Variants in HTR2C observed in about 807,000 individuals in gnomAD.
The protein encoded by HTR2C is 5-hydroxytryptamine (serotonin) receptor 2C, G protein-coupled.
Under a neutral mutation model 21.0 loss-of-function variants are expected in HTR2C, and 5 were observed. That is an observed-to-expected ratio of 0.24 (90% CI 0.12 to 0.50). The LOEUF is 0.50. Ranked by LOEUF, HTR2C falls within the 20% of genes least tolerant of loss-of-function variation. The pLI, the probability that HTR2C is intolerant of heterozygous loss-of-function variation, is 0.98. For synonymous variants in HTR2C, 150 were observed against 145.3 expected, an observed-to-expected ratio of 1.03 and a Z score of -0.23; for missense variants, 271 against 371.2, an observed-to-expected ratio of 0.73 and a Z score of 2.22.
intron 2 of HTR2C, among the ~76,000 whole-genome samples, chrX:114,673,408 A>G (rs1485536336): frequency 1.8e-5 from 2 of 111,757 alleles, no homozygotes; most frequent in Non-Finnish European, 3.8e-5. Flanking sequence ...TAAGGTCATT[A>G]TGATTCAACC....
intron 2 of HTR2C, among the ~76,000 whole-genome samples, chrX:114,615,699 A>C (rs1321954568): frequency 1.8e-5 from 2 of 111,820 alleles, no homozygotes; most frequent in African/African-American, 6.5e-5. Flanking sequence ...TTTCAATGCT[A>C]TTCTGTCCTT....
chrX:114,724,799 T>C (rs781914516), intron 2 of HTR2C, among the ~76,000 whole-genome samples: 1 of 102,183 alleles, frequency 9.8e-6, no homozygotes, highest in South Asian at 5.2e-4. Context: ...GGATATGAAA[T>C]TCTGGGTTGA....
At chrX:114,737,266 A>C (rs2069600795) in intron 4 of HTR2C, among the ~76,000 whole-genome samples, 2 of 102,379 alleles carry the variant, frequency 2.0e-5, no homozygotes, top group Non-Finnish European at 3.9e-5. Context: ...TCGCTCTGTC[A>C]CCTAGGCTGG....
rs2069704946 is a variant in HTR2C at position 114,746,457 on chromosome X, T to C, written c.349+14850T>C. Reference sequence around the variant, plus strand: ...CATTAAAAAATCAATTAATGTTGATTAATTGATCATCTCAATAGACTAAAG... The same window carrying C: ...CATTAAAAAATCAATTAATGTTGATCAATTGATCATCTCAATAGACTAAAG... On this transcript the variant is annotated intron_variant, in intron 4 of 5. Transcript: ENST00000276198. Among the ~76,000 whole-genome samples the C allele has an allele frequency of 2.7e-5, 3 of 112,182 alleles. No homozygotes were observed. In the Admixed American group the frequency reaches 2.8e-4, roughly 11 times the overall value.
chrX:114,734,903 T>C (rs2147349556), intron 4 of HTR2C, among the ~76,000 whole-genome samples: 1 of 111,499 alleles, frequency 9.0e-6, no homozygotes, highest in African/African-American at 3.3e-5. Context: ...ATACACAAAA[T>C]GGTTTGGAAA....
intron 4 of HTR2C, among the ~76,000 whole-genome samples, chrX:114,780,400 G>A (rs965726701): frequency 9.0e-6 from 1 of 111,700 alleles, no homozygotes; most frequent in Non-Finnish European, 1.9e-5. Flanking sequence ...AGCAGCTATT[G>A]TCTTGTGGAA....
At chrX:114,706,832 A>G (rs1303810785) in intron 2 of HTR2C, among the ~76,000 whole-genome samples, 1 of 111,540 alleles carries the variant, frequency 9.0e-6, no homozygotes, top group Non-Finnish European at 1.9e-5. Flanking sequence ...TCATAGCACC[A>G]TGTTGAGCTA....
At chrX:114,632,730 T>C (rs1929681415) in intron 2 of HTR2C, among the ~76,000 whole-genome samples, 1 of 110,832 alleles carries the variant, frequency 9.0e-6, no homozygotes, top group Admixed American at 9.6e-5. Flanking sequence ...AATTGGCCCG[T>C]GCCTTTATAT....
rs1556448720 is a variant in HTR2C at position 114,805,714 on chromosome X, A to C, written c.350-42289A>C. Among the ~76,000 whole-genome samples, 166 of 77,571 alleles carry C rather than the reference A, an allele frequency of 2.1e-3. 45 individuals carry two copies. The highest frequency in any genetic ancestry group is 8.6e-3 in the African/African-American group (159 of 18,447). 67.4% of individuals were successfully genotyped at this position (77,571 alleles called of 115,157 possible). A position where few individuals can be genotyped will look rare whatever the true frequency, so the allele number is the denominator to read the frequency against. Reference sequence around the variant, plus strand: ...TATATACACCATATATATACCATATATATACCATATATACACCATATATAC... The same window carrying C: ...TATATACACCATATATATACCATATCTATACCATATATACACCATATATAC... On this transcript the variant is annotated intron_variant, in intron 4 of 5. Transcript: ENST00000276198.
At chrX:114,815,226 G>A (rs1304904442) in intron 4 of HTR2C, among the ~76,000 whole-genome samples, 5 of 109,663 alleles carry the variant, frequency 4.6e-5, no homozygotes, top group Non-Finnish European at 9.5e-5. Flanking sequence ...CAAAATCAAT[G>A]TATTATGTTT....
At chrX:114,746,672 G>C (rs970336884) in intron 4 of HTR2C, among the ~76,000 whole-genome samples, 1 of 110,083 alleles carries the variant, frequency 9.1e-6, no homozygotes, top group East Asian at 2.9e-4. Context: ...TGGGCAACCA[G>C]GGGAAACCTC....
chrX:114,626,925 A>ATAG (rs1929400835), intron 2 of HTR2C, among the ~76,000 whole-genome samples: 1 of 111,949 alleles, frequency 8.9e-6, no homozygotes, highest in Non-Finnish European at 1.9e-5. Context: ...GGCAATTTGA[A>ATAG]TAGTAGTAGT....
intron 2 of HTR2C, among the ~76,000 whole-genome samples, chrX:114,682,598 T>C (rs782590260): frequency 8.9e-6 from 1 of 111,813 alleles, no homozygotes; most frequent in Non-Finnish European, 1.9e-5. Flanking sequence ...AGCTTTCTGC[T>C]GTTTAAGTTT....
chrX:114,828,646 G>A (rs1005304692), intron 4 of HTR2C, among the ~76,000 whole-genome samples: 8 of 111,421 alleles, frequency 7.2e-5, no homozygotes, highest in African/African-American at 2.3e-4. Context: ...TCACAATGAT[G>A]TCCAACCGTC....
chrX:114,761,561 T>G (rs1317852523), intron 4 of HTR2C, among the ~76,000 whole-genome samples: 1 of 110,918 alleles, frequency 9.0e-6, no homozygotes, highest in African/African-American at 3.3e-5. Flanking sequence ...CTGCAAAAAA[T>G]TTCACATGCG....
Position 114,729,277 on chromosome X carries a change from G to T in HTR2C, c.36-2017G>T, listed in dbSNP as rs140955755. ...TGTTTAACTACAAAGCAGACAGAAG[G>T]TACCTCCAGCATTTACTGAAGGCCT... On this transcript the variant is annotated intron_variant, in intron 3 of 5. Transcript: ENST00000276198. Among the ~76,000 whole-genome samples, 942 of 111,772 alleles carry T rather than the reference G, an allele frequency of 8.4e-3. 11 individuals are homozygous for T. Among genetic ancestry groups the T allele is most frequent in the African/African-American group, 0.029 (890 of 30,866 alleles).
At chrX:114,725,217 T>C (rs1195584246) in intron 2 of HTR2C, among the ~76,000 whole-genome samples, 1 of 111,076 alleles carries the variant, frequency 9.0e-6, no homozygotes, top group Non-Finnish European at 1.9e-5. Context: ...GTTGGTTTCT[T>C]TTTATTCTTT....
intron 5 of HTR2C, among the ~76,000 whole-genome samples, chrX:114,856,200 A>T (rs1255609185): frequency 9.2e-6 from 1 of 108,372 alleles, no homozygotes; most frequent in Non-Finnish European, 1.9e-5. Context: ...GAGACAAATC[A>T]TGAGTGAACT....
chrX:114,610,821 TGGAAA>T (rs199773089), intron 1 of HTR2C, among the ~76,000 whole-genome samples: 2,248 of 111,027 alleles, frequency 0.02, 61 homozygotes, highest in African/African-American at 0.07. Flanking sequence ...GGAAAAAAAT[TGGAAA>T]GGAGAGTGTA....
Sources: allele counts gnomAD v4.1 joint callset (sites outside exome capture counted in the v4.1 genomes callset), GRCh38; gene constraint gnomAD v4.1.1; transcripts MANE v1.5; gene names NCBI Gene and HGNC (gene_info 2026-07-23, HGNC 2026-07-21).